Variants in LETM2 observed in about 807,000 individuals in gnomAD.
LETM2 encodes the protein leucine zipper and EF-hand containing transmembrane protein 2.
Under a neutral mutation model 59.6 loss-of-function variants are expected in LETM2, and 58 were observed. That is an observed-to-expected ratio of 0.97 (90% CI 0.79 to 1.21). The LOEUF (loss-of-function observed/expected upper bound fraction) is 1.21. LETM2 is among the 50% of genes most tolerant of loss of function. The pLI, the probability that LETM2 is intolerant of heterozygous loss-of-function variation, is 0.00. For synonymous variants in LETM2, 199 were observed against 214.1 expected, an observed-to-expected ratio of 0.93 and a Z score of 0.62; for missense variants, 572 against 575.7, an observed-to-expected ratio of 0.99 and a Z score of 0.07.
At chr8:38,390,685 GTTTT>G (rs1812168782) in intron 2 of LETM2, among the ~76,000 whole-genome samples, 1 of 139,032 alleles carries the variant, frequency 7.2e-6, no homozygotes, top group South Asian at 2.3e-4. Context: ...TTTGTTTTTT[GTTTT>G]TTGTTTTTTT....
At position 38,394,247 on chromosome 8, in the gene LETM2, AT is replaced by A; in HGVS notation, c.645+12del. Reference sequence around the variant, plus strand: ...TTGAAAGTGAATCCAAAAAGGTATGATTTTTTAACTTTAATAAAATTTAATA... The same window carrying A: ...TTGAAAGTGAATCCAAAAAGGTATGATTTTTAACTTTAATAAAATTTAATA... On this transcript the variant is annotated splice_region_variant and intron_variant, in intron 4 of 10. Transcript: ENST00000379957. The A allele has an allele frequency of 6.9e-7, 1 of 1,446,594 alleles. No homozygotes were observed. 89.6% of individuals were successfully genotyped at this position (1,446,594 alleles called of 1,614,324 possible).
chr8:38,399,949 AAGAGAGAGAG>A (rs3138841), intron 4 of LETM2, among the ~76,000 whole-genome samples: 10 of 148,068 alleles, frequency 6.8e-5, no homozygotes, highest in African/African-American at 1.2e-4. Context: ...TGATCTCAAA[AAGAGAGAGAG>A]AGAGAGAGAG....
intron 4 of LETM2, among the ~76,000 whole-genome samples, chr8:38,394,845 CAAAAAAAAA>C (rs34403974): frequency 1.2e-5 from 1 of 84,510 alleles, no homozygotes; most frequent in Non-Finnish European, 2.3e-5. Context: ...GACCCTGTCT[CAAAAAAAAA>C]AAAAAAAAAA....
rs1811871899 is a variant in LETM2, at chr8:38,387,564, GA to G, written c.-34-382del. On this transcript the variant is annotated intron_variant, in intron 1 of 10. Coordinates refer to ENST00000379957, the MANE Select transcript of LETM2 (RefSeq NM_001286819.2). ...GCCTAAATATAGAACAATGCTAACT[GA>G]AAAGAAATTCAGAATATTCACTTTC... is the stretch of plus-strand genomic sequence containing the variant. Among the ~76,000 whole-genome samples the G allele has an allele frequency of 2.0e-5, 3 of 152,128 alleles. No homozygotes were observed. In the South Asian group the frequency reaches 6.2e-4, roughly 31 times the overall value.
chr8:38,400,302 A>C lies in LETM2; in HGVS notation c.676A>C (p.Lys226Gln). Residue 226 changes from lysine to glutamine, a missense_variant, in exon 5 of 11, where the codon AAG becomes CAG. By Grantham distance (53) the Lys-to-Gln change is moderately conservative. Transcript: ENST00000379957. ...AAAACAGAAAAAGAAAATGGCTGTA[A>C]AGTTGGAACTAGCAAAATTTCTTCA... The part of the protein sequence containing the change: ...EEKQKKKMAV[K>Q]LELAKFLQET... The C allele has an allele frequency of 6.2e-7, 1 of 1,612,334 alleles. No individual in the cohort carries two copies. Among genetic ancestry groups the C allele is most frequent in the Non-Finnish European group, 8.5e-7 (1 of 1,179,384 alleles).
At chr8:38,405,315 C>T (rs1351101830) in intron 8 of LETM2, among the ~76,000 whole-genome samples, 1 of 152,162 alleles carries the variant, frequency 6.6e-6, no homozygotes, top group Non-Finnish European at 1.5e-5. Context: ...GTCACTACAG[C>T]ATCTTGCTCT....
rs1362399511 is a variant in LETM2 at position 38,391,195 on chromosome 8, A to AC, written c.48-1347_48-1346insC. Among the ~76,000 whole-genome samples, 164 of 140,956 alleles carry AC rather than the reference A, an allele frequency of 1.2e-3. 1 individual carries two copies. The highest frequency in any genetic ancestry group is 4.0e-3 in the African/African-American group (149 of 37,368). 92.5% of individuals were successfully genotyped at this position (140,956 alleles called of 152,430 possible). A position where few individuals can be genotyped will look rare whatever the true frequency, so the allele number is the denominator to read the frequency against. ...TCCTCCTGTCTCAAAAAAAAAAAAA[A>AC]AAACAAAAAAAAAAACCAAAAAACT... On this transcript the variant is annotated intron_variant, in intron 2 of 10. Transcript: ENST00000379957.
At chr8:38,396,229 T>C (rs1812676114) in intron 4 of LETM2, among the ~76,000 whole-genome samples, 1 of 151,992 alleles carries the variant, frequency 6.6e-6, no homozygotes, top group African/African-American at 2.4e-5. Flanking sequence ...AATGGTGCGA[T>C]CTCGGCTCCC....
chr8:38,403,091 TTCATCTGCA>T (rs1813376256), intron 7 of LETM2, among the ~76,000 whole-genome samples: 1 of 152,128 alleles, frequency 6.6e-6, no homozygotes, highest in South Asian at 2.1e-4. Flanking sequence ...CTTGGCCTCC[TTCATCTGCA>T]AGAGAGAACT....
chr8:38,407,657 A>T (rs1813841024), intron 10 of LETM2, among the ~76,000 whole-genome samples, 194 bp downstream of exon 10: 1 of 152,072 alleles, frequency 6.6e-6, no homozygotes, highest in South Asian at 2.1e-4. Context: ...CAAAAAAAAA[A>T]ATTGTGGGTC....
intron 7 of LETM2, 161 bp from the exon 8 acceptor site, chr8:38,404,232 G>A: frequency 1.7e-6 from 1 of 592,016 alleles, no homozygotes; most frequent in East Asian, 2.8e-5. Context: ...AGAAGCCAGG[G>A]CTGGGCTCTT....
intron 7 of LETM2, among the ~76,000 whole-genome samples, chr8:38,404,183 C>T (rs931344116): frequency 6.6e-6 from 1 of 152,170 alleles, no homozygotes; most frequent in African/African-American, 2.4e-5. Context: ...AGAGTGATTC[C>T]ACCATAGTGA....
In LETM2 at chr8:38,407,003, A is replaced by G. The variant is rs1813775155; in HGVS notation, c.1276A>G (p.Met426Val). The G allele has an allele frequency of 1.9e-6, 3 of 1,612,178 alleles. No individual in the cohort carries two copies. The highest frequency in any genetic ancestry group is 2.2e-5 in the East Asian group (1 of 44,844). ...LPTFTESKENMVDLAPQLKGT... is the reference protein window; with the variant it reads ...LPTFTESKENVVDLAPQLKGT... ...TACTTTCACTGAATCTAAAGAGAAC[A>G]TGGTGGATCTTGCACCTCAACTGAA... is the stretch of plus-strand genomic sequence containing the variant. The change falls in exon 9 of 11, where the codon ATG (methionine) becomes GTG (valine). Residue 426 changes from methionine (M) to valine (V), a missense_variant. By Grantham distance (21) the Met-to-Val change is conservative (BLOSUM62 1). Coordinates refer to ENST00000379957, the MANE Select transcript of LETM2 (RefSeq NM_001286819.2).
chr8:38,387,723 G>A (rs140491069), intron 1 of LETM2, among the ~76,000 whole-genome samples: 140 of 151,966 alleles, frequency 9.2e-4, no homozygotes, highest in Middle Eastern at 6.8e-3. Flanking sequence ...ATCTTCATGA[G>A]CATCATCATC....
At position 38,392,717 on chromosome 8, in the gene LETM2, C is replaced by G; in HGVS notation, c.223C>G (p.Gln75Glu). The G allele has an allele frequency of 6.2e-7, 1 of 1,614,186 alleles. No homozygotes were observed. The highest frequency in any genetic ancestry group is 1.1e-5 in the South Asian group (1 of 91,074). The change falls in exon 3 of 11, where the codon CAA becomes GAA. Residue 75 changes from glutamine to glutamate, a missense_variant. Transcript: ENST00000379957. Reference sequence around the variant, plus strand: ...ACTTCACCCAGGAACTAGACTAATACAAAAGCTACACACATCCACTTGCTG... The same window carrying G: ...ACTTCACCCAGGAACTAGACTAATAGAAAAGCTACACACATCCACTTGCTG... The part of the protein sequence containing the change: ...TVLHPGTRLI[Q>E]KLHTSTCWLQ...
chr8:38,398,901 G>A (rs906894219), intron 4 of LETM2, among the ~76,000 whole-genome samples: 2 of 151,916 alleles, frequency 1.3e-5, no homozygotes, highest in Non-Finnish European at 2.9e-5. Context: ...TGTATTTTTA[G>A]TAGAGACAGG....
chr8:38,387,051 G>C (rs1489116393), intron 1 of LETM2: 1 of 152,280 alleles, frequency 6.6e-6, no homozygotes, highest in African/African-American at 2.4e-5. Flanking sequence ...AGGGAGCCCG[G>C]GAGCAGCGGG....
At chr8:38,392,482 G>T in intron 2 of LETM2, 60 bp from the exon 3 acceptor site, 2 of 974,326 alleles carry the variant, frequency 2.1e-6, no homozygotes, top group Admixed American at 2.0e-5. Context: ...TGTGCTTTAT[G>T]ATAGTGTGTG....
rs1446524642 is a variant in LETM2, at chr8:38,386,541, G to T, written c.-62G>T. Reference sequence around the variant, plus strand: ...GGGAAGGAGCTGGGAGGACCTAGGCGGCCGTTCCGCGGAGCCCGGCCGAGG... The same window carrying T: ...GGGAAGGAGCTGGGAGGACCTAGGCTGCCGTTCCGCGGAGCCCGGCCGAGG... On this transcript the variant is annotated 5_prime_UTR_variant, in exon 1 of 11. Coordinates refer to ENST00000379957, the MANE Select transcript of LETM2 (RefSeq NM_001286819.2). 1 of 152,274 alleles carries T rather than the reference G, an allele frequency of 6.6e-6. No individual in the cohort carries two copies. Among genetic ancestry groups the T allele is most frequent in the Non-Finnish European group, 1.5e-5 (1 of 68,094 alleles). The allele number at this position is 152,274 out of a possible 1,614,324, so 9.4% of individuals were successfully genotyped here. A position where few individuals can be genotyped will look rare whatever the true frequency, so the allele number is the denominator to read the frequency against.
Sources: allele counts gnomAD v4.1 joint callset (sites outside exome capture counted in the v4.1 genomes callset), GRCh38; gene constraint gnomAD v4.1.1; transcripts MANE v1.5; gene names NCBI Gene and HGNC (gene_info 2026-07-23, HGNC 2026-07-21).